IMMP2L: variants seen among roughly 807,000 people sequenced by gnomAD.
IMMP2L encodes the protein mitochondrial inner membrane protease subunit 2.
In IMMP2L, 18 loss-of-function variants were observed where a neutral mutation model predicts 19.3. The ratio of observed to expected loss-of-function variants is 0.93; its 90% confidence interval spans 0.64 to 1.38. IMMP2L has a LOEUF of 1.38. Ranked by LOEUF, IMMP2L falls within the 40% of genes most tolerant of loss-of-function variation. The probability of loss-of-function intolerance (pLI) is 0.00; values close to 1 mark genes in which losing one functional copy is unlikely to be tolerated. For missense variants in IMMP2L, 233 were observed against 218.2 expected, an observed-to-expected ratio of 1.07 and a Z score of -0.43; for synonymous variants, 76 against 73.0, an observed-to-expected ratio of 1.04 and a Z score of -0.21.
chr7:110,962,097 A>G lies in IMMP2L; in HGVS notation c.305+1403T>C, dbSNP rs1285635486. Among the ~76,000 whole-genome samples, 5 of 152,094 alleles carry G rather than the reference A, an allele frequency of 3.3e-5. No individual in the cohort carries two copies. In the East Asian group the frequency reaches 9.7e-4, roughly 30 times the overall value. ...TAAATTATACCTCAATAAATTTTTA[A>G]AAGACCTTCACTGATATCATGTAGG... On this transcript the variant is annotated intron_variant, in intron 4 of 5. Transcript: ENST00000405709.
intron 4 of IMMP2L, among the ~76,000 whole-genome samples, chr7:110,961,430 G>C (rs1051090285): frequency 1.1e-5 from 1 of 94,700 alleles, no homozygotes; most frequent in African/African-American, 4.4e-5. Context: ...AAAAAAGTCT[G>C]TGTTTTTTTT....
Position 110,691,917 on chromosome 7 carries a change from AAGT to A in IMMP2L, c.409-28199_409-28197del, listed in dbSNP as rs1274613091. The stretch of plus-strand genomic sequence containing the variant: ...TATGAAGATTTCTCAAAGAAATTAA[AAGT>A]AGATTTACCATTCAATCCAGCAGCC... On this transcript the variant is annotated intron_variant, in intron 5 of 5. Coordinates refer to ENST00000405709, the MANE Select transcript of IMMP2L (RefSeq NM_032549.4). Among the ~76,000 whole-genome samples the A allele has an allele frequency of 7.6e-4, 116 of 152,346 alleles. 1 individual carries two copies. Among genetic ancestry groups the A allele is most frequent in the Non-Finnish European group, 1.5e-4 (10 of 68,028 alleles).
At chr7:110,754,833 C>T (rs929997500) in intron 5 of IMMP2L, among the ~76,000 whole-genome samples, 11 of 151,950 alleles carry the variant, frequency 7.2e-5, no homozygotes, top group Non-Finnish European at 1.6e-4. Flanking sequence ...ATATATTCCT[C>T]CAACAAGAAC....
chr7:110,765,660 T>G (rs778120827), intron 5 of IMMP2L, among the ~76,000 whole-genome samples: 4 of 152,154 alleles, frequency 2.6e-5, no homozygotes, highest in Non-Finnish European at 5.9e-5. Context: ...ATCTTAAAAT[T>G]TCTTTTATTT....
At chr7:110,918,452 C>CTTTTTTTTTTTTTT (rs1029668134) in intron 4 of IMMP2L, among the ~76,000 whole-genome samples, 18 of 130,456 alleles carry the variant, frequency 1.4e-4, no homozygotes, top group African/African-American at 2.5e-4. Context: ...TTCTTTTTTT[C>CTTTTTTTTTTTTTT]TTTTTTTTTT....
chr7:111,137,740 G>A (rs780251191), intron 3 of IMMP2L, among the ~76,000 whole-genome samples: 1 of 152,156 alleles, frequency 6.6e-6, no homozygotes, highest in African/African-American at 2.4e-5. Flanking sequence ...GGATTTTTAT[G>A]AGAACTTTAA....
chr7:111,384,451 G>A (rs80323218), intron 3 of IMMP2L, among the ~76,000 whole-genome samples: 4,011 of 152,074 alleles, frequency 0.026, 75 homozygotes, highest in Non-Finnish European at 0.037. Flanking sequence ...GTCAAGGTTG[G>A]TCCCCACTCC....
chr7:111,328,979 C>G (rs1251302723), intron 3 of IMMP2L, among the ~76,000 whole-genome samples: 1 of 151,682 alleles, frequency 6.6e-6, no homozygotes, highest in Non-Finnish European at 1.5e-5. Context: ...ATTAGTAAGA[C>G]CTTGGTAAGA....
intron 1 of IMMP2L, among the ~76,000 whole-genome samples, chr7:111,539,132 AAAGG>A (rs1170750244): frequency 1.6e-5 from 1 of 61,584 alleles, no homozygotes; most frequent in Non-Finnish European, 3.2e-5. Flanking sequence ...AAAGAAAAGA[AAAGG>A]AAGGAAGGAA....
chr7:111,159,412 C>T (rs775109847), intron 3 of IMMP2L, among the ~76,000 whole-genome samples: 1 of 152,102 alleles, frequency 6.6e-6, no homozygotes, highest in Non-Finnish European at 1.5e-5. Context: ...CCACGCCTGT[C>T]CTCAGGTCGA....
intron 3 of IMMP2L, among the ~76,000 whole-genome samples, chr7:111,417,256 T>C (rs927027867): frequency 2.0e-5 from 3 of 151,822 alleles, no homozygotes; most frequent in Non-Finnish European, 4.4e-5. Flanking sequence ...AAAAGTAAGA[T>C]ACTTTGCCAA....
intron 3 of IMMP2L, among the ~76,000 whole-genome samples, chr7:111,466,265 G>A (rs1840651800): frequency 6.6e-6 from 1 of 152,022 alleles, no homozygotes; most frequent in Non-Finnish European, 1.5e-5. Flanking sequence ...AATGGGTGCA[G>A]CACACCAACA....
intron 5 of IMMP2L, among the ~76,000 whole-genome samples, chr7:110,779,341 C>T (rs1465914754): frequency 6.6e-6 from 1 of 151,958 alleles, no homozygotes; most frequent in African/African-American, 2.4e-5. Flanking sequence ...TTCATTCAAA[C>T]ATCTTCTATA....
rs541278414 is a variant in IMMP2L at position 111,187,747 on chromosome 7, CAA to C, written c.240-224184_240-224183del. ...ATACCAACTCAACTAATTCTCTAGA[CAA>C]AGTGCACACAGGTTATTTACAGAGG... On this transcript the variant is annotated intron_variant, in intron 3 of 5. Coordinates refer to ENST00000405709, the MANE Select transcript of IMMP2L (RefSeq NM_032549.4). Among the ~76,000 whole-genome samples the C allele has an allele frequency of 1.2e-4, 19 of 152,204 alleles. No individual in the cohort carries two copies. The South Asian group carries it at 3.9e-3, about 32-fold the overall frequency.
At chr7:111,036,221 A>T (rs1287292391) in intron 3 of IMMP2L, among the ~76,000 whole-genome samples, 1 of 152,104 alleles carries the variant, frequency 6.6e-6, no homozygotes, top group Non-Finnish European at 1.5e-5. Context: ...TTTAAGTGCA[A>T]GATTTACCTT....
At chr7:110,746,856 A>G (rs887806831) in intron 5 of IMMP2L, among the ~76,000 whole-genome samples, 4 of 152,208 alleles carry the variant, frequency 2.6e-5, no homozygotes, top group African/African-American at 9.6e-5. Flanking sequence ...GAGAAGCAAG[A>G]GCAAACAAAT....
intron 5 of IMMP2L, among the ~76,000 whole-genome samples, chr7:110,671,607 T>C (rs1275134792): frequency 2.0e-5 from 3 of 152,174 alleles, no homozygotes; most frequent in Admixed American, 2.0e-4. Context: ...TGGCATCTGG[T>C]AGACACAGTC....
intron 1 of IMMP2L, among the ~76,000 whole-genome samples, chr7:111,527,435 A>T (rs1293485582): frequency 2.2e-5 from 3 of 139,128 alleles, no homozygotes; most frequent in Non-Finnish European, 4.7e-5. Context: ...GGGGGGGGGT[A>T]GATTTAATAT....
At chr7:110,681,378 T>C (rs1295261184) in intron 5 of IMMP2L, among the ~76,000 whole-genome samples, 6 of 152,046 alleles carry the variant, frequency 3.9e-5, no homozygotes, top group African/African-American at 1.2e-4. Context: ...TAGGGAAAAG[T>C]GAGGTCTTTC....
Sources: allele counts gnomAD v4.1 joint callset (sites outside exome capture counted in the v4.1 genomes callset), GRCh38; gene constraint gnomAD v4.1.1; transcripts MANE v1.5; gene names NCBI Gene and HGNC (gene_info 2026-07-23, HGNC 2026-07-21).